Variants in FMN1 observed in about 807,000 individuals in gnomAD.
The protein encoded by FMN1 is formin 1.
Under a neutral mutation model 132.4 loss-of-function variants are expected in FMN1, and 110 were observed. That is an observed-to-expected ratio of 0.83 (90% confidence interval 0.71 to 0.97). FMN1 has a LOEUF of 0.97. Among genes scored for constraint, FMN1 ranks in the 50% least tolerant of loss-of-function variants. The pLI, the probability that FMN1 is intolerant of heterozygous loss-of-function variation, is 0.00. For synonymous variants in FMN1, 722 were observed against 651.7 expected (o/e 1.11, Z -1.64); for missense variants, 1,792 against 1,705.3 (o/e 1.05, Z -0.90).
chr15:32,872,649 G>A (rs2059542582), intron 16 of FMN1, among the ~76,000 whole-genome samples: 1 of 152,218 alleles, frequency 6.6e-6, no homozygotes, highest in South Asian at 2.1e-4. Flanking sequence ...TTACAGCAAT[G>A]CTGGTCTTAG....
intron 7 of FMN1, among the ~76,000 whole-genome samples, chr15:32,987,280 G>A (rs2033126960): frequency 6.6e-6 from 1 of 152,124 alleles, no homozygotes; most frequent in Non-Finnish European, 1.5e-5. Flanking sequence ...TTGACATGTT[G>A]CTGTTTTGTG....
chr15:32,968,252 A>G (rs921805443), intron 8 of FMN1, among the ~76,000 whole-genome samples: 18 of 152,362 alleles, frequency 1.2e-4, no homozygotes, highest in Admixed American at 9.8e-4. Context: ...TCTTTTAATA[A>G]AAACTGAAGA....
intron 6 of FMN1, among the ~76,000 whole-genome samples, chr15:33,008,865 T>TTATC: frequency 6.6e-6 from 1 of 152,250 alleles, no homozygotes; most frequent in East Asian, 1.9e-4. Context: ...GAGCACACAT[T>TTATC]TTTGTGAGAT....
At chr15:32,870,365 T>C (rs2059487296) in intron 16 of FMN1, among the ~76,000 whole-genome samples, 1 of 151,966 alleles carries the variant, frequency 6.6e-6, no homozygotes, top group East Asian at 1.9e-4. Flanking sequence ...GAAGCTGGAG[T>C]CCAGGGGAAT....
chr15:33,189,535 C>G (rs1169807899), intron 2 of FMN1, among the ~76,000 whole-genome samples: 2 of 152,168 alleles, frequency 1.3e-5, no homozygotes, highest in African/African-American at 2.4e-5. Flanking sequence ...ATGGTTTATC[C>G]TGCTTTGTAA....
At chr15:32,899,012 G>C (rs756460687) in intron 14 of FMN1, 119 bp from the exon 15 acceptor site, 2 of 680,088 alleles carry the variant, frequency 2.9e-6, no homozygotes, top group East Asian at 5.2e-5. Context: ...CTTTCTCTTC[G>C]ATGCTGGCAA....
intron 16 of FMN1, among the ~76,000 whole-genome samples, chr15:32,872,842 A>T (rs2059548119): frequency 6.6e-6 from 1 of 152,208 alleles, no homozygotes; most frequent in African/African-American, 2.4e-5. Context: ...GGTTAGTCAC[A>T]TTAACTGTAA....
intron 4 of FMN1, among the ~76,000 whole-genome samples, chr15:33,121,166 T>C (rs1253605734): frequency 6.6e-6 from 1 of 152,180 alleles, no homozygotes; most frequent in Non-Finnish European, 1.5e-5. Context: ...AGGACTTAGA[T>C]CAACAACAAC....
intron 5 of FMN1, among the ~76,000 whole-genome samples, chr15:33,074,183 C>T (rs2038108497): frequency 6.6e-6 from 1 of 152,236 alleles, no homozygotes; most frequent in Non-Finnish European, 1.5e-5. Context: ...TGCTGCTATG[C>T]TGTGGGATCT....
chr15:33,044,029 T>G (rs1469280340), intron 6 of FMN1, among the ~76,000 whole-genome samples: 1 of 152,244 alleles, frequency 6.6e-6, no homozygotes, highest in South Asian at 2.1e-4. Context: ...TTCTGGCACC[T>G]GCTCTAATCT....
In FMN1 at chr15:32,835,335, T is replaced by C. The variant is rs528893350; in HGVS notation, c.3928+21680A>G. 3.3e-5 allele frequency among the ~76,000 whole-genome samples: 5 copies of C among 152,340 alleles called. No homozygotes were observed. In the South Asian group the frequency reaches 1.0e-3, roughly 32 times the overall value. On this transcript the variant is annotated intron_variant, in intron 17 of 20. Coordinates refer to ENST00000616417, the MANE Select transcript of FMN1 (RefSeq NM_001277313.2). ...AATCGTGGCTCTAAAAAAATAAACT[T>C]AGAATTATTTTCCTCTTCCAAAGTG...
At chr15:33,093,371 A>C (rs1008701392) in intron 4 of FMN1, among the ~76,000 whole-genome samples, 1 of 152,206 alleles carries the variant, frequency 6.6e-6, no homozygotes, top group Non-Finnish European at 1.5e-5. Context: ...ACGTGTACTT[A>C]CCAGCAAGAA....
At chr15:32,933,615 G>C (rs1300877189) in intron 9 of FMN1, among the ~76,000 whole-genome samples, 2 of 152,178 alleles carry the variant, frequency 1.3e-5, no homozygotes, top group South Asian at 4.1e-4. Flanking sequence ...CTTTAGTTCT[G>C]TAAAAATTTG....
intron 4 of FMN1, chr15:33,150,917 CT>C: frequency 1.1e-5 from 11 of 1,021,772 alleles, no homozygotes; most frequent in Non-Finnish European, 1.3e-5. Context: ...ATTCACCCCT[CT>C]TTCTGGACTG....
intron 7 of FMN1, among the ~76,000 whole-genome samples, chr15:32,993,913 G>GGGGT (rs1555375359): frequency 4.6e-4 from 43 of 94,458 alleles, no homozygotes; most frequent in Non-Finnish European, 7.5e-4. Context: ...GGGGCGGGGT[G>GGGGT]GGGGGGGTCT....
At chr15:33,047,888 T>C (rs907707644) in intron 6 of FMN1, among the ~76,000 whole-genome samples, 2 of 152,112 alleles carry the variant, frequency 1.3e-5, no homozygotes, top group African/African-American at 4.8e-5. Context: ...AAAAAAAACT[T>C]AGAAACTAGT....
At position 32,896,786 on chromosome 15, in the gene FMN1, C is replaced by T. The variant is rs139779087; in HGVS notation, c.3714+2048G>A. On this transcript the variant is annotated intron_variant, in intron 15 of 20. Transcript: ENST00000616417. ...TGAATAATATTCCCTAGTACATATA[C>T]GCATTTTCTTTACCTATTCATCTAT... Among the ~76,000 whole-genome samples the T allele has an allele frequency of 5.9e-5, 9 of 152,242 alleles. No homozygotes were observed. The East Asian group carries it at 9.6e-4, about 16-fold the overall frequency.
At chr15:32,862,046 C>T (rs1338624869) in intron 16 of FMN1, among the ~76,000 whole-genome samples, 1 of 152,200 alleles carries the variant, frequency 6.6e-6, no homozygotes, top group African/African-American at 2.4e-5. Flanking sequence ...ACGGTCCCCA[C>T]AGAGCCACGC....
chr15:32,983,418 A>G (rs942188071), intron 7 of FMN1, among the ~76,000 whole-genome samples: 1 of 152,204 alleles, frequency 6.6e-6, no homozygotes, highest in Non-Finnish European at 1.5e-5. Context: ...GAAATGTTCT[A>G]CATCCTGATT....
Sources: gnomAD v4.1 joint callset for allele counts (sites outside exome capture counted in the v4.1 genomes callset) on GRCh38, gnomAD v4.1.1 for gene constraint, MANE v1.5 for transcripts, NCBI Gene and HGNC (gene_info 2026-07-23, HGNC 2026-07-21) for gene names.